Variants in TSPAN15 observed in about 807,000 individuals in gnomAD.
The protein encoded by TSPAN15 is tetraspanin-15.
Under a neutral mutation model 34.5 loss-of-function variants are expected in TSPAN15, and 20 were observed. The observed-to-expected ratio is 0.58, with a 90% CI of 0.41 to 0.84. TSPAN15 has a LOEUF of 0.84. Among genes scored for constraint, TSPAN15 ranks in the 40% least tolerant of loss-of-function variants. The pLI is 0.00. For synonymous variants in TSPAN15, 155 were observed against 153.9 expected (o/e 1.01, Z -0.05); for missense variants, 313 against 386.1 (o/e 0.81, Z 1.59).
At chr10:69,531,659 A>T in the TSPAN15 span, among the ~76,000 whole-genome samples, 8 of 152,180 alleles carry the variant, frequency 5.3e-5, no homozygotes, top group Middle Eastern at 3.2e-3. Context: ...GGGGGAGAAT[A>T]ATATTACTAC....
downstream of TSPAN15, among the ~76,000 whole-genome samples, chr10:69,512,170 C>G (rs1842421471): frequency 6.6e-6 from 1 of 152,206 alleles, no homozygotes; most frequent in Non-Finnish European, 1.5e-5. Context: ...CCATGACACC[C>G]TTTTGTGCTT....
At chr10:69,477,343 C>T (rs1191936010) in intron 1 of TSPAN15, among the ~76,000 whole-genome samples, 2 of 152,142 alleles carry the variant, frequency 1.3e-5, no homozygotes, top group African/African-American at 2.4e-5. Context: ...CCATATTGGG[C>T]AGGCTGGTCT....
intron 1 of TSPAN15, among the ~76,000 whole-genome samples, chr10:69,475,546 C>T (rs1841597661): frequency 6.6e-6 from 1 of 152,216 alleles, no homozygotes; most frequent in South Asian, 2.1e-4. Context: ...GCCATCCCCA[C>T]TCCCACCCTG....
At chr10:69,453,401 C>T (rs1047322256) in intron 1 of TSPAN15, among the ~76,000 whole-genome samples, 3 of 152,106 alleles carry the variant, frequency 2.0e-5, no homozygotes, top group African/African-American at 7.2e-5. Context: ...CCCTAAGTCC[C>T]CAGGATTTCT....
chr10:69,533,402 A>T, the TSPAN15 span, among the ~76,000 whole-genome samples: 1 of 152,200 alleles, frequency 6.6e-6, no homozygotes, highest in Admixed American at 6.5e-5. Context: ...ATTCTAAGTG[A>T]AGTAACTCAG....
At chr10:69,490,942 T>C (rs1227942) in intron 3 of TSPAN15, among the ~76,000 whole-genome samples, 113,348 of 152,220 alleles carry the variant, frequency 0.74, 42,845 homozygotes, top group African/African-American at 0.87. Context: ...TCCTTCCCAC[T>C]TACAGCAGAG....
the TSPAN15 span, among the ~76,000 whole-genome samples, chr10:69,538,722 T>C: frequency 6.6e-6 from 1 of 152,224 alleles, no homozygotes; most frequent in African/African-American, 2.4e-5. Context: ...TGAGAGATCA[T>C]GACCAGCCTG....
chr10:69,474,537 T>G (rs1444676280), intron 1 of TSPAN15, among the ~76,000 whole-genome samples: 1 of 152,178 alleles, frequency 6.6e-6, no homozygotes, highest in Non-Finnish European at 1.5e-5. Flanking sequence ...TACTCACTTC[T>G]GCTGGTGGTG....
chr10:69,507,807 G>C (rs1027267401), downstream of TSPAN15: 2 of 534,450 alleles, frequency 3.7e-6, no homozygotes, highest in South Asian at 4.0e-5. Flanking sequence ...TACAGGTGGG[G>C]GGTTGGGGGG....
the TSPAN15 span, among the ~76,000 whole-genome samples, chr10:69,547,328 A>G: frequency 2.6e-5 from 4 of 152,088 alleles, no homozygotes; most frequent in Non-Finnish European, 5.9e-5. Flanking sequence ...TTTCATATTT[A>G]TTTATTCACA....
the TSPAN15 span, among the ~76,000 whole-genome samples, chr10:69,533,045 C>T: frequency 4.6e-5 from 7 of 152,052 alleles, no homozygotes; most frequent in Non-Finnish European, 7.4e-5. Context: ...GGTGTGGATG[C>T]GGTGATCAGG....
chr10:69,546,192 T>C, the TSPAN15 span, among the ~76,000 whole-genome samples: 1 of 152,188 alleles, frequency 6.6e-6, no homozygotes, highest in African/African-American at 2.4e-5. Flanking sequence ...TCATTCCATG[T>C]GCGTCTTCCT....
intron 1 of TSPAN15, among the ~76,000 whole-genome samples, chr10:69,471,132 C>T (rs1387331523): frequency 3.9e-5 from 6 of 152,214 alleles, no homozygotes; most frequent in Non-Finnish European, 7.3e-5. Flanking sequence ...TTATTTGCCT[C>T]TGCGCAAGTA....
At chr10:69,515,275 T>G in the TSPAN15 span, among the ~76,000 whole-genome samples, 1 of 152,194 alleles carries the variant, frequency 6.6e-6, no homozygotes, top group Admixed American at 6.5e-5. Context: ...CACAATCCCT[T>G]GTTGACCTCA....
intron 1 of TSPAN15, among the ~76,000 whole-genome samples, chr10:69,465,036 C>G (rs900519598): frequency 3.9e-5 from 6 of 152,238 alleles, no homozygotes; most frequent in African/African-American, 1.4e-4. Context: ...GACCGGGTCA[C>G]AGGGACAGAT....
At chr10:69,532,132 A>G in the TSPAN15 span, among the ~76,000 whole-genome samples, 6 of 152,160 alleles carry the variant, frequency 3.9e-5, no homozygotes, top group Admixed American at 1.3e-4. Context: ...TACAAATTCA[A>G]TGCAATTCCC....
At chr10:69,466,324 C>T (rs1841383591) in intron 1 of TSPAN15, among the ~76,000 whole-genome samples, 1 of 152,040 alleles carries the variant, frequency 6.6e-6, no homozygotes, top group Non-Finnish European at 1.5e-5. Flanking sequence ...GAGTGCCAGC[C>T]TCTCTCTCAG....
the TSPAN15 span, among the ~76,000 whole-genome samples, chr10:69,514,981 G>T: frequency 0.19 from 28,902 of 152,022 alleles, 2,916 homozygotes; most frequent in Middle Eastern, 0.29. Flanking sequence ...TCCCTAATTA[G>T]ACTCTTGTCC....
the TSPAN15 span, among the ~76,000 whole-genome samples, chr10:69,532,796 T>C: frequency 6.6e-6 from 1 of 152,174 alleles, no homozygotes; most frequent in Non-Finnish European, 1.5e-5. Flanking sequence ...AAAGGACTAA[T>C]ATCCAGAATC....
Sources: allele counts gnomAD v4.1 joint callset (sites outside exome capture counted in the v4.1 genomes callset), GRCh38; gene constraint gnomAD v4.1.1; transcripts MANE v1.5; gene names NCBI Gene and HGNC (gene_info 2026-07-23, HGNC 2026-07-21).